AGBL2: variants seen among roughly 807,000 people sequenced by gnomAD.
AGBL2 encodes the protein cytosolic carboxypeptidase 2.
Under a neutral mutation model 103.0 loss-of-function variants are expected in AGBL2, and 87 were observed. The observed-to-expected ratio is 0.84, with a 90% CI of 0.71 to 1.01. AGBL2 has a LOEUF of 1.01. Ranked by LOEUF, AGBL2 falls within the 50% of genes least tolerant of loss-of-function variation. The probability of loss-of-function intolerance (pLI) is 0.00; values close to 1 mark genes in which losing one functional copy is unlikely to be tolerated. For synonymous variants in AGBL2, 335 were observed against 356.7 expected (o/e 0.94, Z 0.69); for missense variants, 904 against 1,023.5 (o/e 0.88, Z 1.59).
At chr11:47,689,986 A>G in intron 10 of AGBL2, 90 bp downstream of exon 10, 1 of 1,175,668 alleles carries the variant, frequency 8.5e-7, no homozygotes, top group Non-Finnish European at 1.2e-6. Flanking sequence ...TCCTTTAACA[A>G]CAGAAGAGAC....
At chr11:47,702,367 A>G (rs958713187) in intron 7 of AGBL2, among the ~76,000 whole-genome samples, 1 of 152,038 alleles carries the variant, frequency 6.6e-6, no homozygotes, top group Non-Finnish European at 1.5e-5. Context: ...CTCCTTTTGA[A>G]AACTTATGCT....
Position 47,714,980 on chromosome 11 carries a change from C to T in AGBL2, c.-101+195G>A, listed in dbSNP as rs141820222. ...CCCTTTCCCTGAGAAAGGAGATGCT[C>T]GCCACAGGAAAGTGAAAGAAATGGG... On this transcript the variant is annotated intron_variant, in intron 1 of 18. Coordinates refer to ENST00000525123, the MANE Select transcript of AGBL2 (RefSeq NM_024783.4). The T allele has an allele frequency of 2.4e-3, 787 of 333,612 alleles. 6 individuals carry two copies. Among genetic ancestry groups the T allele is most frequent in the Middle Eastern group, 0.011 (11 of 1,040 alleles). The allele number at this position is 333,612 out of a possible 1,614,324, so 20.7% of individuals were successfully genotyped here.
intron 4 of AGBL2, among the ~76,000 whole-genome samples, chr11:47,706,770 T>C (rs1285411604): frequency 6.6e-6 from 1 of 150,812 alleles, no homozygotes; most frequent in Non-Finnish European, 1.5e-5. Flanking sequence ...ACAGGGTTGC[T>C]GGGTGTGGTG....
At chr11:47,672,232 T>C (rs1043970185) in intron 14 of AGBL2, among the ~76,000 whole-genome samples, 3 of 152,038 alleles carry the variant, frequency 2.0e-5, no homozygotes, top group Admixed American at 1.3e-4. Context: ...ATTACAGACA[T>C]GAGCCATCAT....
intron 17 of AGBL2, among the ~76,000 whole-genome samples, chr11:47,664,385 T>C (rs1216830372): frequency 6.6e-6 from 1 of 151,666 alleles, no homozygotes; most frequent in African/African-American, 2.4e-5. Flanking sequence ...TAGCTAGGAC[T>C]ACAGGGGCAG....
At chr11:47,672,644 G>C (rs1190643085) in intron 14 of AGBL2, among the ~76,000 whole-genome samples, 1 of 152,110 alleles carries the variant, frequency 6.6e-6, no homozygotes, top group Non-Finnish European at 1.5e-5. Flanking sequence ...TGTATTTGGA[G>C]AGGGGTTGGT....
At position 47,685,878 on chromosome 11, in the gene AGBL2, A is replaced by G; in HGVS notation, c.1788+15T>C. 6.2e-7 allele frequency: 1 copy of G among 1,610,588 alleles called. No homozygotes were observed. Among genetic ancestry groups the G allele is most frequent in the South Asian group, 1.1e-5 (1 of 90,644 alleles). ...TCCCTAACTCAATGGAGAGAAAATT[A>G]CATTATGTGCTTACCTTATCTGGTG... On this transcript the variant is annotated intron_variant, in intron 11 of 18. Transcript: ENST00000525123.
At chr11:47,671,393 G>A (rs1220878228) in intron 14 of AGBL2, among the ~76,000 whole-genome samples, 1 of 152,110 alleles carries the variant, frequency 6.6e-6, no homozygotes. Flanking sequence ...GGTAGCGGGT[G>A]CCTGTAATTC....
In AGBL2 at chr11:47,680,077, G is replaced by GAAA. The variant is rs377659584; in HGVS notation, c.1916-7_1916-5dup. Reference sequence around the variant, plus strand: ...AAGTGGGTGTCTCTTTTATTACCTGGAAAAAAAAAAAACCCCGCAAACATT... The same window carrying GAAA: ...AAGTGGGTGTCTCTTTTATTACCTGGAAAAAAAAAAAAAAACCCCGCAAACATT... On this transcript the variant is annotated splice_polypyrimidine_tract_variant and splice_region_variant and intron_variant, in intron 12 of 18. Transcript: ENST00000525123. 6 of 1,204,398 alleles carry GAAA rather than the reference G, an allele frequency of 5.0e-6. No homozygotes were observed. The highest frequency in any genetic ancestry group is 1.6e-5 in the African/African-American group (1 of 62,106). The allele number at this position is 1,204,398 out of a possible 1,614,324, so 74.6% of individuals were successfully genotyped here. A position where few individuals can be genotyped will look rare whatever the true frequency, so the allele number is the denominator to read the frequency against.
intron 14 of AGBL2, among the ~76,000 whole-genome samples, chr11:47,669,266 C>T (rs950047571): frequency 1.3e-5 from 2 of 152,186 alleles, no homozygotes; most frequent in Non-Finnish European, 2.9e-5. Flanking sequence ...CAGGATCCCA[C>T]TATGTTGCCT....
At chr11:47,683,280 G>A (rs1459676335) in intron 11 of AGBL2, among the ~76,000 whole-genome samples, 1 of 152,092 alleles carries the variant, frequency 6.6e-6, no homozygotes, top group Non-Finnish European at 1.5e-5. Flanking sequence ...GGCTGAGGCA[G>A]GAGAATTACT....
chr11:47,681,327 C>CA (rs1474668568), intron 12 of AGBL2, among the ~76,000 whole-genome samples: 3 of 149,640 alleles, frequency 2.0e-5, no homozygotes, highest in African/African-American at 7.4e-5. Flanking sequence ...AACCCTGTCT[C>CA]AAAAAAACAA....
At chr11:47,706,891 CA>C (rs35798942) in intron 4 of AGBL2, among the ~76,000 whole-genome samples, 29 of 80,512 alleles carry the variant, frequency 3.6e-4, no homozygotes, top group African/African-American at 1.6e-3. Context: ...TCTACTATTC[CA>C]AAAAAAAAAA....
intron 11 of AGBL2, among the ~76,000 whole-genome samples, chr11:47,682,451 C>G (rs530631364): frequency 4.3e-4 from 65 of 152,282 alleles, no homozygotes; most frequent in African/African-American, 1.5e-3. Flanking sequence ...GTCCCCACCC[C>G]ACTCCCCTAA....
chr11:47,707,196 T>C (rs2097523681), intron 4 of AGBL2, among the ~76,000 whole-genome samples: 3 of 152,012 alleles, frequency 2.0e-5, no homozygotes, highest in Admixed American at 2.0e-4. Flanking sequence ...ACACAGAATA[T>C]AGGAAACTTT....
intron 14 of AGBL2, among the ~76,000 whole-genome samples, chr11:47,675,861 C>G (rs1431599026): frequency 6.6e-6 from 1 of 151,976 alleles, no homozygotes; most frequent in Non-Finnish European, 1.5e-5. Context: ...CAAAAATTAA[C>G]CGGGCATGAT....
At chr11:47,712,884 A>T (rs1043749328) in intron 3 of AGBL2, among the ~76,000 whole-genome samples, 1 of 151,432 alleles carries the variant, frequency 6.6e-6, no homozygotes, top group Non-Finnish European at 1.5e-5. Flanking sequence ...AAAATACAAA[A>T]TTAGCCAGGC....
At chr11:47,687,137 AAAAAT>A (rs2097427145) in intron 10 of AGBL2, among the ~76,000 whole-genome samples, 1 of 128,150 alleles carries the variant, frequency 7.8e-6, no homozygotes, top group Non-Finnish European at 1.8e-5. Context: ...ATAATAATAA[AAAAAT>A]AAATAAATAA....
Position 47,685,984 on chromosome 11 carries a change from ATAT to A in AGBL2, c.1694_1696del (p.Asn565del). The A allele has an allele frequency of 1.9e-6, 3 of 1,614,006 alleles. No individual in the cohort carries two copies. The highest frequency in any genetic ancestry group is 8.5e-7 in the Non-Finnish European group (1 of 1,179,884). ...GTTGTTATTACAGCCATACAGGAAG[ATAT>A]TATTCTTACGACTGTGGCCATGGAA... On this transcript the variant is annotated inframe_deletion, in exon 11 of 19. Transcript: ENST00000525123.
Sources: gnomAD v4.1 joint callset for allele counts (sites outside exome capture counted in the v4.1 genomes callset) on GRCh38, gnomAD v4.1.1 for gene constraint, MANE v1.5 for transcripts, NCBI Gene and HGNC (gene_info 2026-07-23, HGNC 2026-07-21) for gene names.